NRXN3: variants seen among roughly 807,000 people sequenced by gnomAD.
NRXN3 encodes neurexin III.
A neutral mutation model predicts 137.6 loss-of-function variants in NRXN3; 32 were observed. The ratio of observed to expected loss-of-function variants is 0.23; its 90% confidence interval spans 0.18 to 0.31. The LOEUF (loss-of-function observed/expected upper bound fraction) is 0.31, where lower values mean the gene tolerates loss of function less well. Among genes scored for constraint, NRXN3 ranks in the 10% least tolerant of loss-of-function variants. The pLI is 1.00. For missense variants in NRXN3, 1,574 were observed against 2,062.5 expected, an observed-to-expected ratio of 0.76 and a Z score of 4.59; for synonymous variants, 798 against 784.5, an observed-to-expected ratio of 1.02 and a Z score of -0.29.
At chr14:79,242,742 T>G (rs1192739362) in intron 15 of NRXN3, among the ~76,000 whole-genome samples, 3 of 152,200 alleles carry the variant, frequency 2.0e-5, no homozygotes, top group Admixed American at 2.0e-4. Context: ...TTCAGCTCCA[T>G]CAGTCAGATT....
intron 15 of NRXN3, chr14:79,281,789 T>C (rs2081314672): frequency 6.6e-6 from 1 of 152,200 alleles, no homozygotes; most frequent in South Asian, 2.1e-4. Flanking sequence ...GCGTGAACCA[T>C]ACTAGGGGGT....
chr14:79,150,007 A>C (rs1226398240), intron 15 of NRXN3, among the ~76,000 whole-genome samples: 1 of 152,082 alleles, frequency 6.6e-6, no homozygotes, highest in Non-Finnish European at 1.5e-5. Context: ...CGTGGAACTT[A>C]AAATAAAATG....
At chr14:79,806,958 ATATATTTTTTTTTTTT>A (rs1426243044) in intron 20 of NRXN3, among the ~76,000 whole-genome samples, 5 of 56,312 alleles carry the variant, frequency 8.9e-5, no homozygotes, top group African/African-American at 4.1e-4. Context: ...ATATATATAT[ATATATTTTTTTTTTTT>A]TTTTTTTTTT....
At chr14:78,918,825 A>G (rs1002589948) in intron 10 of NRXN3, among the ~76,000 whole-genome samples, 1 of 152,220 alleles carries the variant, frequency 6.6e-6, no homozygotes, top group Non-Finnish European at 1.5e-5. Context: ...TTTGTAGCCT[A>G]GGAGCATACC....
At chr14:79,549,620 AG>A (rs2097354363) in intron 16 of NRXN3, among the ~76,000 whole-genome samples, 1 of 152,134 alleles carries the variant, frequency 6.6e-6, no homozygotes, top group South Asian at 2.1e-4. Context: ...AAGTGTGAGC[AG>A]GGGCAGCCTA....
intron 1 of NRXN3, among the ~76,000 whole-genome samples, chr14:78,202,106 G>C (rs2061736900): frequency 6.6e-6 from 1 of 152,090 alleles, no homozygotes; most frequent in Non-Finnish European, 1.5e-5. Flanking sequence ...AGCTGCCATG[G>C]GTGAGCTGCC....
At chr14:79,084,652 T>C (rs2047739143) in intron 15 of NRXN3, among the ~76,000 whole-genome samples, 1 of 152,178 alleles carries the variant, frequency 6.6e-6, no homozygotes, top group Admixed American at 6.5e-5. Flanking sequence ...TTCAGGGTGA[T>C]AGGTAAATGC....
intron 17 of NRXN3, among the ~76,000 whole-genome samples, chr14:79,671,095 A>G (rs1368976684): frequency 1.3e-5 from 2 of 151,920 alleles, no homozygotes; most frequent in African/African-American, 4.8e-5. Context: ...TTTATGACAT[A>G]CTCCCCACTT....
chr14:79,829,367 T>C (rs887744381), intron 20 of NRXN3, among the ~76,000 whole-genome samples: 1 of 152,240 alleles, frequency 6.6e-6, no homozygotes, highest in East Asian at 1.9e-4. Context: ...TTGGAACATA[T>C]GTATTCCTTC....
intron 19 of NRXN3, among the ~76,000 whole-genome samples, chr14:79,758,327 C>A (rs1287288532): frequency 6.6e-6 from 1 of 152,176 alleles, no homozygotes; most frequent in Non-Finnish European, 1.5e-5. Context: ...GCATCTCCTT[C>A]TGGTGCTGCC....
At chr14:79,590,223 C>T (rs1375852537) in intron 16 of NRXN3, among the ~76,000 whole-genome samples, 1 of 151,884 alleles carries the variant, frequency 6.6e-6, no homozygotes, top group African/African-American at 2.4e-5. Flanking sequence ...CTTTCCCATG[C>T]TGTTCTCATA....
At chr14:79,774,085 A>G (rs1451970357) in intron 19 of NRXN3, among the ~76,000 whole-genome samples, 1 of 152,170 alleles carries the variant, frequency 6.6e-6, no homozygotes, top group Non-Finnish European at 1.5e-5. Flanking sequence ...GGATTGGGGA[A>G]AGAGAAACCC....
intron 15 of NRXN3, among the ~76,000 whole-genome samples, chr14:79,311,511 A>G (rs1352036522): frequency 2.0e-4 from 15 of 75,978 alleles, no homozygotes; most frequent in African/African-American, 7.8e-4. Flanking sequence ...AAGGAATGGT[A>G]CCAGTTCCTC....
At chr14:78,942,522 T>A (rs899027821) in intron 10 of NRXN3, among the ~76,000 whole-genome samples, 1 of 152,018 alleles carries the variant, frequency 6.6e-6, no homozygotes, top group Admixed American at 6.6e-5. Context: ...GCCAAATATA[T>A]CATAATGGGG....
rs145590344 is a variant in NRXN3, at chr14:78,965,950, C to T, written c.2396-75C>T. 23 of 1,517,976 alleles carry T rather than the reference C, an allele frequency of 1.5e-5. No homozygotes were observed. The Admixed American group carries it at 2.7e-4, about 18-fold the overall frequency. 94.0% of individuals were successfully genotyped at this position (1,517,976 alleles called of 1,614,324 possible). A position where few individuals can be genotyped will look rare whatever the true frequency, so the allele number is the denominator to read the frequency against. On this transcript the variant is annotated intron_variant, in intron 11 of 20. Coordinates refer to ENST00000335750, the MANE Select transcript of NRXN3 (RefSeq NM_001330195.2). ...ATTCTGTGTGGAAACAGGTTACACCCAAAAAATATACTTGAGGGTGCTGTG... is the reference window on the plus strand; with the variant it reads ...ATTCTGTGTGGAAACAGGTTACACCTAAAAAATATACTTGAGGGTGCTGTG...
At chr14:79,399,008 C>CAAAAAAA (rs34172134) in intron 15 of NRXN3, among the ~76,000 whole-genome samples, 3 of 76,062 alleles carry the variant, frequency 3.9e-5, no homozygotes, top group African/African-American at 5.5e-5. Flanking sequence ...GACTCCATCT[C>CAAAAAAA]AAAAAAAAAA....
chr14:78,374,562 C>T (rs559864713), intron 4 of NRXN3, among the ~76,000 whole-genome samples: 2 of 151,942 alleles, frequency 1.3e-5, no homozygotes, highest in East Asian at 1.9e-4. Context: ...CACTTGAGGT[C>T]GAGTTTGAGA....
At position 78,176,404 on chromosome 14, in the gene NRXN3, C is replaced by T. The variant is rs554276347; in HGVS notation, c.-704+5730C>T. ...TTTTTTTTTTTTTTTTTTTAACACTCGGTATCTCATTTAATTCTCCAAACA... is the reference window on the plus strand; with the variant it reads ...TTTTTTTTTTTTTTTTTTTAACACTTGGTATCTCATTTAATTCTCCAAACA... On this transcript the variant is annotated intron_variant, in intron 1 of 20. Transcript: ENST00000335750. 5.5e-5 allele frequency among the ~76,000 whole-genome samples: 8 copies of T among 144,674 alleles called. No individual in the cohort carries two copies. In the South Asian group the frequency reaches 1.5e-3, roughly 28 times the overall value. 94.9% of individuals were successfully genotyped at this position (144,674 alleles called of 152,430 possible).
intron 16 of NRXN3, among the ~76,000 whole-genome samples, chr14:79,593,149 G>C (rs1469145634): frequency 1.3e-5 from 2 of 151,792 alleles, no homozygotes; most frequent in Non-Finnish European, 2.9e-5. Flanking sequence ...AAAAAAAACT[G>C]TTCACTGTGA....
Sources: allele counts gnomAD v4.1 joint callset (sites outside exome capture counted in the v4.1 genomes callset), GRCh38; gene constraint gnomAD v4.1.1; transcripts MANE v1.5; gene names NCBI Gene and HGNC (gene_info 2026-07-23, HGNC 2026-07-21).